GRM5: variants seen among roughly 807,000 people sequenced by gnomAD.
GRM5 encodes metabotropic glutamate receptor 5.
In GRM5, 19 loss-of-function variants were observed where a neutral mutation model predicts 83.1. The observed-to-expected ratio is 0.23, with a 90% confidence interval of 0.16 to 0.34. The LOEUF (loss-of-function observed/expected upper bound fraction) is 0.34. Ranked by LOEUF, GRM5 falls within the 10% of genes least tolerant of loss-of-function variation. GRM5 has a pLI of 1.00. For missense variants in GRM5, 1,160 were observed against 1,588.3 expected, an observed-to-expected ratio of 0.73 and a Z score of 4.58; for synonymous variants, 675 against 633.6, an observed-to-expected ratio of 1.07 and a Z score of -0.98.
intron 2 of GRM5, among the ~76,000 whole-genome samples, chr11:88,856,533 T>C (rs1443463354): frequency 6.6e-6 from 1 of 152,052 alleles, no homozygotes; most frequent in Non-Finnish European, 1.5e-5. Context: ...TAATTTATGG[T>C]GAATTTTTTA....
intron 2 of GRM5, among the ~76,000 whole-genome samples, chr11:88,984,423 A>G (rs567687): frequency 0.087 from 13,203 of 152,236 alleles, 1,811 homozygotes; most frequent in African/African-American, 0.29. Context: ...ACCACATAGC[A>G]CAAGTGTAGC....
At chr11:88,639,565 TA>T (rs138598897) in intron 4 of GRM5, among the ~76,000 whole-genome samples, 1,642 of 152,136 alleles carry the variant, frequency 0.011, 21 homozygotes, top group Non-Finnish European at 0.018. Context: ...TCATCATATG[TA>T]AGCCTCATGA....
intron 3 of GRM5, among the ~76,000 whole-genome samples, chr11:88,838,301 A>G (rs536656823): frequency 1.3e-5 from 2 of 152,062 alleles, no homozygotes; most frequent in East Asian, 1.9e-4. Flanking sequence ...TCATTCCACT[A>G]TCTTCCTACT....
At chr11:88,807,226 C>CA (rs1943513428) in intron 3 of GRM5, among the ~76,000 whole-genome samples, 2 of 152,002 alleles carry the variant, frequency 1.3e-5, no homozygotes, top group South Asian at 4.1e-4. Flanking sequence ...GTCAGAATTT[C>CA]AAAAAATGTT....
At chr11:88,937,648 G>A (rs2135659995) in intron 2 of GRM5, among the ~76,000 whole-genome samples, 1 of 151,826 alleles carries the variant, frequency 6.6e-6, no homozygotes, top group South Asian at 2.1e-4. Flanking sequence ...GTTGGACTCT[G>A]CATGTCTTTT....
chr11:88,508,497 G>A lies in GRM5; in HGVS notation c.*95C>T, dbSNP rs576901686. 9.2e-6 allele frequency: 9 copies of A among 975,464 alleles called. No individual in the cohort carries two copies. Among genetic ancestry groups the A allele is most frequent in the African/African-American group, 8.4e-5 (5 of 59,214 alleles). The allele number at this position is 975,464 out of a possible 1,614,324, so 60.4% of individuals were successfully genotyped here. A position where few individuals can be genotyped will look rare whatever the true frequency, so the allele number is the denominator to read the frequency against. The stretch of plus-strand genomic sequence containing the variant: ...GGGGTGCCCTTGGCATCTTCCCCCT[G>A]GGCCGTAACCAGGCGACTATGCTTG... On this transcript the variant is annotated 3_prime_UTR_variant, in exon 10 of 10. Coordinates refer to ENST00000305447, the MANE Select transcript of GRM5 (RefSeq NM_001143831.3). This position sits in a 1 kb window ranked among gnomAD's most constrained non-coding sequence, Gnocchi z 4.2.
intron 3 of GRM5, among the ~76,000 whole-genome samples, chr11:88,840,101 G>A (rs1944169833): frequency 6.6e-6 from 1 of 152,104 alleles, no homozygotes; most frequent in South Asian, 2.1e-4. Context: ...AGCAGGAGAG[G>A]CAGGCACACT....
intron 4 of GRM5, among the ~76,000 whole-genome samples, chr11:88,610,960 G>C (rs1440856073): frequency 6.6e-6 from 1 of 152,094 alleles, no homozygotes; most frequent in Non-Finnish European, 1.5e-5. Flanking sequence ...GGCTTTTTCT[G>C]CATCTATTGA....
At chr11:88,999,681 G>A (rs181562458) in intron 2 of GRM5, among the ~76,000 whole-genome samples, 3,905 of 152,162 alleles carry the variant, frequency 0.026, 90 homozygotes, top group East Asian at 0.1. Context: ...TCAGTGTGGC[G>A]ACTCCTCAGG....
At chr11:88,924,004 G>A (rs659856) in intron 2 of GRM5, among the ~76,000 whole-genome samples, 148,317 of 151,774 alleles carry the variant, frequency 0.98, 72,559 homozygotes, top group East Asian at 1. Context: ...CTGAATAGAC[G>A]TTTTTCTAAG....
At position 88,597,364 on chromosome 11, in the gene GRM5, G is replaced by A. The variant is rs746904549; in HGVS notation, c.1395-12C>T. ...TCATTATTTCATACCTTAGGAATAA[G>A]AATATGATAATTATGCAGCTTAAGA... On this transcript the variant is annotated splice_polypyrimidine_tract_variant and intron_variant, in intron 5 of 9. Coordinates refer to ENST00000305447, the MANE Select transcript of GRM5 (RefSeq NM_001143831.3). The A allele has an allele frequency of 2.2e-6, 3 of 1,345,016 alleles. No homozygotes were observed. The South Asian group carries it at 3.8e-5, about 17-fold the overall frequency. The allele number at this position is 1,345,016 out of a possible 1,614,324, so 83.3% of individuals were successfully genotyped here. A position where few individuals can be genotyped will look rare whatever the true frequency, so the allele number is the denominator to read the frequency against.
intron 2 of GRM5, among the ~76,000 whole-genome samples, chr11:88,870,294 A>G (rs1473200591): frequency 6.6e-6 from 1 of 151,564 alleles, no homozygotes; most frequent in Non-Finnish European, 1.5e-5. Flanking sequence ...TAGGCAATGC[A>G]GATAGTTTAT....
chr11:88,569,524 C>T (rs1022936386), intron 7 of GRM5, among the ~76,000 whole-genome samples: 2 of 152,204 alleles, frequency 1.3e-5, no homozygotes, highest in Non-Finnish European at 2.9e-5. Context: ...ATAACATGTA[C>T]ACAGAGGATT....
chr11:88,861,385 C>A (rs1944559435), intron 2 of GRM5, among the ~76,000 whole-genome samples: 1 of 152,106 alleles, frequency 6.6e-6, no homozygotes. Context: ...CTGGAATACC[C>A]TTCTATTTAG....
intron 2 of GRM5, among the ~76,000 whole-genome samples, chr11:89,035,927 A>T (rs1351106128): frequency 6.6e-6 from 1 of 152,020 alleles, no homozygotes; most frequent in Non-Finnish European, 1.5e-5. Context: ...GTTTCTAATA[A>T]CGAAGTTTCT....
intron 2 of GRM5, among the ~76,000 whole-genome samples, chr11:89,030,834 C>A (rs1941244593): frequency 6.6e-6 from 1 of 151,822 alleles, no homozygotes; most frequent in African/African-American, 2.4e-5. Context: ...GGACAAACAC[C>A]CTATAGTTTA....
At chr11:88,897,763 A>G (rs959203545) in intron 2 of GRM5, among the ~76,000 whole-genome samples, 6 of 151,964 alleles carry the variant, frequency 3.9e-5, no homozygotes, top group African/African-American at 1.4e-4. Flanking sequence ...AGTTAGCCTG[A>G]ACTCACAAAA....
chr11:89,051,639 G>A (rs549622488), intron 1 of GRM5, among the ~76,000 whole-genome samples: 1 of 152,244 alleles, frequency 6.6e-6, no homozygotes, highest in Non-Finnish European at 1.5e-5. Flanking sequence ...GAACCTGGGA[G>A]GAGGAGGATG....
chr11:88,916,047 G>C (rs184356794), intron 2 of GRM5, among the ~76,000 whole-genome samples: 1 of 152,266 alleles, frequency 6.6e-6, no homozygotes, highest in East Asian at 1.9e-4. Flanking sequence ...TGAGAATTAG[G>C]TAAATAATGG....
Sources: allele counts gnomAD v4.1 joint callset (sites outside exome capture counted in the v4.1 genomes callset), GRCh38; gene constraint gnomAD v4.1.1; non-coding constraint Gnocchi (gnomAD v3.1); transcripts MANE v1.5; gene names NCBI Gene and HGNC (gene_info 2026-07-23, HGNC 2026-07-21).